TRAPPC8: variants seen among roughly 807,000 people sequenced by gnomAD.
TRAPPC8 encodes the protein general sporulation gene 1 homolog.
In TRAPPC8, 54 loss-of-function variants were observed where a neutral mutation model predicts 174.3. The ratio of observed to expected loss-of-function variants is 0.31; its 90% CI spans 0.25 to 0.39. The LOEUF (loss-of-function observed/expected upper bound fraction) is 0.39. Among genes scored for constraint, TRAPPC8 ranks in the 10% least tolerant of loss-of-function variants. The pLI is 1.00. For missense variants in TRAPPC8, 1,531 were observed against 1,699.1 expected, an observed-to-expected ratio of 0.90 and a Z score of 1.74; for synonymous variants, 630 against 579.9, an observed-to-expected ratio of 1.09 and a Z score of -1.24.
Position 31,855,656 on chromosome 18 carries a change from T to C in TRAPPC8, c.3336+4A>G, listed in dbSNP as rs776258122. ...AAACAAAATTCAGTTTTAAACCAAC[T>C]TACAGTATTGGTATTTTCCACATCC... is the stretch of plus-strand genomic sequence containing the variant. On this transcript the variant is annotated splice_donor_region_variant and intron_variant, in intron 21 of 28. Transcript: ENST00000283351. 2 of 1,583,518 alleles carry C rather than the reference T, an allele frequency of 1.3e-6. No individual in the cohort carries two copies. The highest frequency in any genetic ancestry group is 1.7e-6 in the Non-Finnish European group (2 of 1,172,348).
At chr18:31,851,946 C>T (rs115909259) in intron 24 of TRAPPC8, among the ~76,000 whole-genome samples, 7 of 152,078 alleles carry the variant, frequency 4.6e-5, no homozygotes, top group African/African-American at 1.7e-4. Flanking sequence ...TTTTAAATAA[C>T]TACTTAAAAT....
At position 31,908,312 on chromosome 18, in the gene TRAPPC8, G is replaced by T; in HGVS notation, c.1229C>A (p.Ser410Tyr). The change falls in exon 8 of 29, where the codon TCT (serine) becomes TAT (tyrosine). Residue 410 changes from serine to tyrosine, a missense_variant. By Grantham distance (144) the Ser-to-Tyr change is moderately radical. Coordinates refer to ENST00000283351, the MANE Select transcript of TRAPPC8 (RefSeq NM_014939.5). ...EKSINDLKNT[S>Y]GLLYPPEAPE... ...ATAACACTTTACTCACAGCAAGCCA[G>T]ATGTATTTTTCAGGTCATTAATGCT... The T allele has an allele frequency of 3.1e-6, 5 of 1,597,134 alleles. No individual in the cohort carries two copies. In the Middle Eastern group the frequency reaches 6.7e-4, roughly 213 times the overall value.
chr18:31,880,089 A>AT (rs1436538489), intron 12 of TRAPPC8, among the ~76,000 whole-genome samples: 141 of 63,594 alleles, frequency 2.2e-3, no homozygotes, highest in South Asian at 8.8e-3. Context: ...TTGAAAAAAA[A>AT]AATATATATA....
chr18:31,911,102 AAAC>A (rs1307477044), intron 5 of TRAPPC8, among the ~76,000 whole-genome samples: 1 of 152,256 alleles, frequency 6.6e-6, no homozygotes, highest in Non-Finnish European at 1.5e-5. Flanking sequence ...TAAACAGATT[AAAC>A]AATACTTATA....
chr18:31,933,979 G>T (rs2037969102), intron 1 of TRAPPC8, among the ~76,000 whole-genome samples: 1 of 152,078 alleles, frequency 6.6e-6, no homozygotes, highest in Non-Finnish European at 1.5e-5. Flanking sequence ...CTTGAGGTCA[G>T]GAGTTCGAGA....
rs1347083270 is a variant in TRAPPC8 at position 31,849,597 on chromosome 18, T to C, written c.3704A>G (p.Glu1235Gly). 2 of 1,610,938 alleles carry C rather than the reference T, an allele frequency of 1.2e-6. No homozygotes were observed. The highest frequency in any genetic ancestry group is 1.7e-6 in the Non-Finnish European group (2 of 1,178,992). ...DAVRLIQKCS[E>G]VDLNIVILWK... The stretch of plus-strand genomic sequence containing the variant: ...TAATATGACAATATTCAAATCTACC[T>C]CACTGCATTTTTGAATCAATCTCAC... Residue 1235 changes from glutamate (E) to glycine (G), a missense_variant, in exon 25 of 29, where the codon GAG becomes GGG. Transcript: ENST00000283351.
chr18:31,850,661 T>C (rs1435318912), intron 24 of TRAPPC8, among the ~76,000 whole-genome samples: 1 of 152,206 alleles, frequency 6.6e-6, no homozygotes, highest in Non-Finnish European at 1.5e-5. Context: ...TAAATAAGTA[T>C]TAAATATGAA....
At chr18:31,847,814 T>C (rs1190951667) in intron 25 of TRAPPC8, among the ~76,000 whole-genome samples, 1 of 152,094 alleles carries the variant, frequency 6.6e-6, no homozygotes, top group Non-Finnish European at 1.5e-5. Flanking sequence ...CAGTCACCCA[T>C]AGCCATGGCT....
At chr18:31,891,021 G>C in intron 11 of TRAPPC8, 155 bp from the exon 12 acceptor site, 1 of 506,310 alleles carries the variant, frequency 2.0e-6, no homozygotes, top group Non-Finnish European at 3.0e-6. Flanking sequence ...AACCAATCTT[G>C]ATTTTTCCAA....
chr18:31,927,962 G>A (rs557285151), intron 2 of TRAPPC8, among the ~76,000 whole-genome samples: 58 of 151,686 alleles, frequency 3.8e-4, no homozygotes, highest in African/African-American at 1.2e-3. Context: ...TTAGACAAAC[G>A]TGGCCAACAT....
chr18:31,871,489 A>C (rs75325179), intron 14 of TRAPPC8, among the ~76,000 whole-genome samples: 1 of 152,010 alleles, frequency 6.6e-6, no homozygotes, highest in African/African-American at 2.4e-5. Context: ...TAAAAAAAAA[A>C]CATCACAGAT....
intron 9 of TRAPPC8, among the ~76,000 whole-genome samples, chr18:31,906,792 T>C (rs763562151): frequency 6.6e-6 from 1 of 152,204 alleles, no homozygotes; most frequent in African/African-American, 2.4e-5. Flanking sequence ...ATATAAGGCA[T>C]TATGCTAAGT....
intron 4 of TRAPPC8, among the ~76,000 whole-genome samples, chr18:31,915,888 GAA>G (rs775582621): frequency 2.4e-5 from 2 of 82,872 alleles, no homozygotes; most frequent in Admixed American, 1.4e-4. Context: ...CTCCATCTCA[GAA>G]AAAAAAAAAA....
chr18:31,900,144 GA>G (rs2036356108), intron 10 of TRAPPC8, among the ~76,000 whole-genome samples: 1 of 152,156 alleles, frequency 6.6e-6, no homozygotes, highest in South Asian at 2.1e-4. Flanking sequence ...TGGGACAGGA[GA>G]ATCACTCAAA....
intron 2 of TRAPPC8, among the ~76,000 whole-genome samples, chr18:31,924,122 A>G (rs1257710193): frequency 6.6e-6 from 1 of 151,902 alleles, no homozygotes; most frequent in Admixed American, 6.6e-5. Context: ...CATCTCTACT[A>G]AAAATACAAA....
Position 31,914,132 on chromosome 18 carries a change from C to CAA in TRAPPC8, c.618-612_618-611dup, listed in dbSNP as rs1264790427. 1.7e-3 allele frequency among the ~76,000 whole-genome samples: 76 copies of CAA among 44,514 alleles called. 1 individual carries two copies. The highest frequency in any genetic ancestry group is 3.2e-3 in the African/African-American group (52 of 16,180). 29.2% of individuals were successfully genotyped at this position (44,514 alleles called of 152,430 possible). A position where few individuals can be genotyped will look rare whatever the true frequency, so the allele number is the denominator to read the frequency against. ...AGGCAACAGAGTGAGACCCCCATCTCAAAAAAAAAAAAAAAAAGGAGGAAA... is the reference window on the plus strand; with the variant it reads ...AGGCAACAGAGTGAGACCCCCATCTCAAAAAAAAAAAAAAAAAAAGGAGGAAA... On this transcript the variant is annotated intron_variant, in intron 4 of 28. Coordinates refer to ENST00000283351, the MANE Select transcript of TRAPPC8 (RefSeq NM_014939.5).
chr18:31,932,071 C>G (rs749014632), intron 1 of TRAPPC8, among the ~76,000 whole-genome samples: 1 of 152,092 alleles, frequency 6.6e-6, no homozygotes, highest in Non-Finnish European at 1.5e-5. Flanking sequence ...TGTAGAAACT[C>G]TCTGTACTTT....
At chr18:31,918,873 A>G (rs2037257943) in intron 2 of TRAPPC8, among the ~76,000 whole-genome samples, 1 of 152,228 alleles carries the variant, frequency 6.6e-6, no homozygotes, top group Non-Finnish European at 1.5e-5. Flanking sequence ...GGTTTTAAGC[A>G]GATTATCTAT....
chr18:31,934,031 T>C (rs1473306630), intron 1 of TRAPPC8, among the ~76,000 whole-genome samples: 2 of 151,760 alleles, frequency 1.3e-5, no homozygotes, highest in African/African-American at 4.8e-5. Flanking sequence ...TCTACTAAAA[T>C]ACAAAAATTA....
Sources: allele counts gnomAD v4.1 joint callset (sites outside exome capture counted in the v4.1 genomes callset), GRCh38; gene constraint gnomAD v4.1.1; transcripts MANE v1.5; gene names NCBI Gene and HGNC (gene_info 2026-07-23, HGNC 2026-07-21).